CD96: variants seen among roughly 807,000 people sequenced by gnomAD.
The protein encoded by CD96 is T-cell surface protein tactile.
Under a neutral mutation model 71.3 loss-of-function variants are expected in CD96, and 70 were observed. The observed-to-expected ratio is 0.98, with a 90% CI of 0.81 to 1.20. The LOEUF (loss-of-function observed/expected upper bound fraction) is 1.20. CD96 is among the 50% of genes most tolerant of loss of function. The pLI, the probability that CD96 is intolerant of heterozygous loss-of-function variation, is 0.00. For synonymous variants in CD96, 248 were observed against 233.0 expected (o/e 1.06, Z -0.59); for missense variants, 742 against 677.5 (o/e 1.10, Z -1.06).
intron 10 of CD96, chr3:111,634,502 A>T (rs144596979): frequency 2.5e-4 from 38 of 152,682 alleles, no homozygotes; most frequent in African/African-American, 8.4e-4. Context: ...TTGTTTGTAG[A>T]TTTGTGAAAA....
chr3:111,563,895 G>C (rs1173208958), intron 2 of CD96, among the ~76,000 whole-genome samples: 6 of 152,176 alleles, frequency 3.9e-5, no homozygotes, highest in East Asian at 1.9e-4. Context: ...CTGAGTTCTT[G>C]TGTAACTCTA....
downstream of CD96, among the ~76,000 whole-genome samples, chr3:111,656,292 A>T (rs1478975718): frequency 6.6e-6 from 1 of 152,208 alleles, no homozygotes; most frequent in Non-Finnish European, 1.5e-5. Flanking sequence ...ATCAAAATTT[A>T]AAAATGTACT....
chr3:111,593,742 T>C, intron 5 of CD96: 1 of 1,614,234 alleles, frequency 6.2e-7, no homozygotes, highest in Non-Finnish European at 8.5e-7. Context: ...TCCCTTTGGC[T>C]GGCCCACAAA....
At chr3:111,644,537 G>C (rs1327133564) in intron 12 of CD96, among the ~76,000 whole-genome samples, 1 of 152,094 alleles carries the variant, frequency 6.6e-6, no homozygotes, top group East Asian at 1.9e-4. Flanking sequence ...AAACTAAAGA[G>C]CTTTTCCACA....
intron 8 of CD96, among the ~76,000 whole-genome samples, chr3:111,621,192 C>T (rs1938504534): frequency 6.6e-6 from 1 of 152,206 alleles, no homozygotes; most frequent in African/African-American, 2.4e-5. Context: ...ATGTAGTTTA[C>T]AAATAAATAT....
intron 2 of CD96, among the ~76,000 whole-genome samples, chr3:111,555,659 T>C (rs1414523307): frequency 6.6e-6 from 1 of 152,306 alleles, no homozygotes; most frequent in Non-Finnish European, 1.5e-5. Context: ...TATAATTTAG[T>C]CTTTCTTTTT....
At chr3:111,619,966 A>G (rs1419522959) in intron 8 of CD96, among the ~76,000 whole-genome samples, 2 of 152,200 alleles carry the variant, frequency 1.3e-5, no homozygotes, top group Non-Finnish European at 2.9e-5. Context: ...CATCCAGTTC[A>G]ACTCAGCACA....
At chr3:111,647,754 T>C (rs1391589340) in intron 13 of CD96, 88 bp downstream of exon 13, 33 of 979,574 alleles carry the variant, frequency 3.4e-5, no homozygotes, top group Non-Finnish European at 1.9e-5. Flanking sequence ...TCTATGAAGT[T>C]CCTCCCATAT....
intron 3 of CD96, 98 bp downstream of exon 3, chr3:111,567,745 T>C: frequency 9.0e-7 from 1 of 1,114,564 alleles, no homozygotes. Context: ...AGCATACAAA[T>C]AACAGGCAGG....
At chr3:111,646,767 G>A (rs1236909049) in intron 12 of CD96, among the ~76,000 whole-genome samples, 2 of 151,952 alleles carry the variant, frequency 1.3e-5, no homozygotes, top group Admixed American at 6.6e-5. Context: ...ACATGGACAC[G>A]TATGTTTATC....
chr3:111,631,377 G>T (rs553959533), intron 10 of CD96, among the ~76,000 whole-genome samples: 9 of 152,098 alleles, frequency 5.9e-5, no homozygotes, highest in Non-Finnish European at 1.0e-4. Context: ...GCCAAATCAT[G>T]AATGAATTCC....
intron 5 of CD96, among the ~76,000 whole-genome samples, chr3:111,592,562 C>G (rs1023673689): frequency 6.6e-5 from 10 of 151,542 alleles, no homozygotes; most frequent in Middle Eastern, 3.4e-3. Flanking sequence ...ATAAATTTTC[C>G]CTAGAGCACT....
intron 8 of CD96, among the ~76,000 whole-genome samples, chr3:111,610,386 C>T (rs1479338552): frequency 1.3e-5 from 2 of 152,174 alleles, no homozygotes; most frequent in Admixed American, 6.5e-5. Context: ...AAGTATGTCA[C>T]GGAAACCAAC....
At chr3:111,663,791 C>T (rs1940413224) in intron 14 of CD96, among the ~76,000 whole-genome samples, 1 of 150,044 alleles carries the variant, frequency 6.7e-6, no homozygotes, top group African/African-American at 2.4e-5. Flanking sequence ...CTCTGTTGCC[C>T]AGGCTGGAGT....
intron 2 of CD96, among the ~76,000 whole-genome samples, chr3:111,555,291 C>T (rs139139941): frequency 1.3e-5 from 2 of 152,242 alleles, no homozygotes; most frequent in African/African-American, 4.8e-5. Context: ...TATAATTTTT[C>T]ATATTTACTC....
rs372266584 is a variant in CD96, at chr3:111,579,106, A to G, written c.623A>G (p.Lys208Arg). Residue 208 changes from lysine to arginine, a missense_variant, in exon 4 of 14, where the codon AAG (lysine) becomes AGG (arginine). Physicochemically the swap from Lys to Arg is conservative, Grantham distance 26. Coordinates refer to ENST00000352690, the MANE Select transcript of CD96 (RefSeq NM_005816.5). ...TCCACATTACTTAAAGATAGAGTCA[A>G]GCTTGGTACAGACTACAGACTCCAC... ...SNSTLLKDRV[K>R]LGTDYRLHLS... is the part of the protein sequence containing the mutation. 1 of 1,602,562 alleles carries G rather than the reference A, an allele frequency of 6.2e-7. No individual in the cohort carries two copies. Among genetic ancestry groups the G allele is most frequent in the African/African-American group, 1.3e-5 (1 of 74,832 alleles).
At position 111,649,672 on chromosome 3, in the gene CD96, T is replaced by C. The variant is rs532169757; in HGVS notation, c.1602-26T>C. On this transcript the variant is annotated intron_variant, in intron 13 of 13. Coordinates refer to ENST00000352690, the MANE Select transcript of CD96 (RefSeq NM_005816.5). ...CATAAGACTCCCTCAATTCTTAGCATTGAAAGACCAATATTTTGTTCCTAG... is the reference window on the plus strand; with the variant it reads ...CATAAGACTCCCTCAATTCTTAGCACTGAAAGACCAATATTTTGTTCCTAG... 8 of 1,401,782 alleles carry C rather than the reference T, an allele frequency of 5.7e-6. 1 individual carries two copies. Among genetic ancestry groups the C allele is most frequent in the South Asian group, 4.6e-5 (4 of 86,716 alleles). The allele number at this position is 1,401,782 out of a possible 1,614,324, so 86.8% of individuals were successfully genotyped here. A position where few individuals can be genotyped will look rare whatever the true frequency, so the allele number is the denominator to read the frequency against.
chr3:111,649,642 G>GT, intron 13 of CD96, 56 bp from the exon 14 acceptor site: 1 of 963,050 alleles, frequency 1.0e-6, no homozygotes, highest in Non-Finnish European at 1.7e-6. Context: ...CTGTGTGTGT[G>GT]TGTGCATAAG....
chr3:111,602,504 C>A lies in CD96; in HGVS notation c.1087+1590C>A, dbSNP rs556774161. On this transcript the variant is annotated intron_variant, in intron 7 of 13. Transcript: ENST00000352690. ...TGATCAAATATTAAAGACAATTAAT[C>A]TTTAGGAGTTCAGTTTCTCAAAATT... 2.6e-5 allele frequency among the ~76,000 whole-genome samples: 4 copies of A among 152,156 alleles called. No individual in the cohort carries two copies. In the South Asian group the frequency reaches 8.3e-4, roughly 32 times the overall value.
Sources: gnomAD v4.1 joint callset for allele counts (sites outside exome capture counted in the v4.1 genomes callset) on GRCh38, gnomAD v4.1.1 for gene constraint, MANE v1.5 for transcripts, NCBI Gene and HGNC (gene_info 2026-07-23, HGNC 2026-07-21) for gene names.